ARIH1: variants seen among roughly 807,000 people sequenced by gnomAD.
ARIH1 encodes the protein ariadne RBR E3 ubiquitin protein ligase 1.
Under a neutral mutation model 85.0 loss-of-function variants are expected in ARIH1, and 8 were observed. That is an observed-to-expected ratio of 0.09 (90% CI 0.06 to 0.17). ARIH1 has a LOEUF of 0.17. Among genes scored for constraint, ARIH1 ranks in the 10% least tolerant of loss-of-function variants. ARIH1 has a pLI of 1.00. For synonymous variants in ARIH1, 238 were observed against 253.6 expected (o/e 0.94, Z 0.59); for missense variants, 311 against 718.1 (o/e 0.43, Z 6.48).
chr15:72,554,384 T>A (rs2064165966), intron 3 of ARIH1, among the ~76,000 whole-genome samples: 1 of 152,174 alleles, frequency 6.6e-6, no homozygotes, highest in Non-Finnish European at 1.5e-5. Context: ...CACTTGTTAT[T>A]AATATTGGCT....
At chr15:72,530,710 G>GA (rs945402840) in intron 2 of ARIH1, among the ~76,000 whole-genome samples, 35 of 152,048 alleles carry the variant, frequency 2.3e-4, no homozygotes, top group African/African-American at 8.0e-4. Flanking sequence ...TTCAGATTTG[G>GA]AAAAAAATCA....
Position 72,474,867 on chromosome 15 carries a change from C to A in ARIH1, c.228C>A (p.Pro76=). The A allele has an allele frequency of 7.1e-7, 1 of 1,413,072 alleles. No homozygotes were observed. 87.5% of individuals were successfully genotyped at this position (1,413,072 alleles called of 1,614,324 possible). ...GTGGCGGCGGCAGCGCTCTGGGGCCCGGCGGTGGCGGCGGCGGCGGCGGCG... is the reference window on the plus strand; with the variant it reads ...GTGGCGGCGGCAGCGCTCTGGGGCCAGGCGGTGGCGGCGGCGGCGGCGGCG... ...TGGGGGSALG[P]GGGGGGGGGG... is the part of the protein sequence containing the mutation. Residue 76 remains proline, a synonymous_variant, in exon 1 of 14, where the codon CCC becomes CCA. Coordinates refer to ENST00000379887, the MANE Select transcript of ARIH1 (RefSeq NM_005744.5).
intron 1 of ARIH1, among the ~76,000 whole-genome samples, chr15:72,482,801 C>T (rs1410466693): frequency 6.6e-6 from 1 of 150,740 alleles, no homozygotes; most frequent in Non-Finnish European, 1.5e-5. Flanking sequence ...TACAAGGCTG[C>T]AACCAAGGTG....
chr15:72,500,134 G>A (rs372448717), intron 1 of ARIH1, among the ~76,000 whole-genome samples: 4 of 150,650 alleles, frequency 2.7e-5, no homozygotes, highest in African/African-American at 9.8e-5. Context: ...TTGCTCTGTT[G>A]CCAGGCTGGA....
At position 72,586,953 on chromosome 15, in the gene ARIH1, G is replaced by A. The variant is rs185310647; in HGVS notation, c.*3661G>A. On this transcript the variant is annotated 3_prime_UTR_variant, in exon 14 of 14. Coordinates refer to ENST00000379887, the MANE Select transcript of ARIH1 (RefSeq NM_005744.5). ...CTTAAAGCTGATACTGTTATATAGG[G>A]ATGAAGGGAGAGTTTTCTTAAAGAA... is the stretch of plus-strand genomic sequence containing the variant. 300 of 336,724 alleles carry A rather than the reference G, an allele frequency of 8.9e-4. No individual in the cohort carries two copies. Among genetic ancestry groups the A allele is most frequent in the Non-Finnish European group, 9.0e-4 (158 of 175,696 alleles). The allele number at this position is 336,724 out of a possible 1,614,324, so 20.9% of individuals were successfully genotyped here. A position where few individuals can be genotyped will look rare whatever the true frequency, so the allele number is the denominator to read the frequency against.
chr15:72,543,589 A>G (rs1343976095), intron 2 of ARIH1, among the ~76,000 whole-genome samples: 1 of 152,152 alleles, frequency 6.6e-6, no homozygotes, highest in Non-Finnish European at 1.5e-5. Context: ...GAGAAGTGAT[A>G]TGGTTTGTTC....
At chr15:72,475,063 A>G in intron 1 of ARIH1, 49 bp downstream of exon 1, 1 of 1,543,518 alleles carries the variant, frequency 6.5e-7, no homozygotes. Context: ...GGGGGAGCGG[A>G]TTCAGGCGGC....
chr15:72,558,950 C>T (rs2064186070), intron 5 of ARIH1, among the ~76,000 whole-genome samples: 1 of 152,172 alleles, frequency 6.6e-6, no homozygotes, highest in Non-Finnish European at 1.5e-5. Context: ...AGGCATCTGA[C>T]TTTTGGCCTG....
chr15:72,480,263 AT>A (rs762120667), intron 1 of ARIH1, among the ~76,000 whole-genome samples: 8,073 of 136,038 alleles, frequency 0.059, 254 homozygotes, highest in African/African-American at 0.11. Context: ...GAACCTTCAA[AT>A]TTTTTTTTTT....
chr15:72,529,162 G>C (rs2064044090), intron 2 of ARIH1, among the ~76,000 whole-genome samples: 1 of 152,062 alleles, frequency 6.6e-6, no homozygotes, highest in East Asian at 1.9e-4. Context: ...ATCCACCACT[G>C]CACTCCAGCC....
intron 1 of ARIH1, among the ~76,000 whole-genome samples, chr15:72,506,653 G>T (rs932826011): frequency 2.0e-5 from 3 of 152,086 alleles, no homozygotes; most frequent in Non-Finnish European, 2.9e-5. Context: ...CCCATAAGCA[G>T]CTCATTTGAG....
intron 2 of ARIH1, among the ~76,000 whole-genome samples, chr15:72,524,961 T>C (rs985571141): frequency 1.3e-5 from 2 of 152,240 alleles, no homozygotes; most frequent in African/African-American, 4.8e-5. Context: ...CTTGGCTCAC[T>C]GCAACCTCCG....
At chr15:72,510,627 C>T (rs1039370606) in intron 1 of ARIH1, among the ~76,000 whole-genome samples, 2 of 147,458 alleles carry the variant, frequency 1.4e-5, no homozygotes, top group Admixed American at 1.4e-4. Context: ...TTCCCAGCTA[C>T]TGGGGAGGCT....
chr15:72,563,251 G>C, intron 6 of ARIH1, 143 bp from the exon 7 acceptor site: 1 of 630,216 alleles, frequency 1.6e-6, no homozygotes, highest in Non-Finnish European at 2.8e-6. Context: ...TAGAGACAAG[G>C]TCTTGCTATG....
At chr15:72,482,192 C>T (rs977779398) in intron 1 of ARIH1, among the ~76,000 whole-genome samples, 4 of 152,074 alleles carry the variant, frequency 2.6e-5, no homozygotes, top group African/African-American at 9.7e-5. Context: ...GATTGGAGTT[C>T]TTGATTTCCC....
At chr15:72,528,525 TC>T (rs2064040208) in intron 2 of ARIH1, among the ~76,000 whole-genome samples, 1 of 152,206 alleles carries the variant, frequency 6.6e-6, no homozygotes, top group African/African-American at 2.4e-5. Context: ...ATGACATTTA[TC>T]ACTATTCTAC....
rs1358798974 is a variant in ARIH1, at chr15:72,590,021, C to A, written c.*6729C>A. The stretch of plus-strand genomic sequence containing the variant: ...TTTTATAAATAAGAAAATAGAAGCT[C>A]AAATAAAATGGGTAGTTTCCTTGAG... On this transcript the variant is annotated 3_prime_UTR_variant, in exon 14 of 14. Transcript: ENST00000379887. The A allele has an allele frequency of 6.6e-6, 1 of 152,114 alleles. No homozygotes were observed. The highest frequency in any genetic ancestry group is 1.5e-5 in the Non-Finnish European group (1 of 68,016). The allele number at this position is 152,114 out of a possible 1,614,324, so 9.4% of individuals were successfully genotyped here. A position where few individuals can be genotyped will look rare whatever the true frequency, so the allele number is the denominator to read the frequency against.
chr15:72,493,067 T>C (rs1417233286), intron 1 of ARIH1, among the ~76,000 whole-genome samples: 2 of 152,186 alleles, frequency 1.3e-5, no homozygotes, highest in Non-Finnish European at 2.9e-5. Context: ...CTTAAATGTC[T>C]ACTCTGGCTA....
intron 3 of ARIH1, among the ~76,000 whole-genome samples, chr15:72,549,648 G>C (rs867151053): frequency 1.3e-5 from 2 of 152,096 alleles, no homozygotes; most frequent in Non-Finnish European, 2.9e-5. Context: ...ATAAACAAAG[G>C]GGTTTCAATT....
Sources: allele counts gnomAD v4.1 joint callset (sites outside exome capture counted in the v4.1 genomes callset), GRCh38; gene constraint gnomAD v4.1.1; transcripts MANE v1.5; gene names NCBI Gene and HGNC (gene_info 2026-07-23, HGNC 2026-07-21).